The following TMEM131L variants were observed in gnomAD, a reference collection of about 807,000 sequenced individuals.
TMEM131L encodes the protein transmembrane 131 like.
TMEM131L carries 54 observed loss-of-function variants against 192.2 expected under a neutral mutation model. The ratio of observed to expected loss-of-function variants is 0.28; its 90% CI spans 0.23 to 0.35. The LOEUF is 0.35. Ranked by LOEUF, TMEM131L falls within the 10% of genes least tolerant of loss-of-function variation. The pLI, the probability that TMEM131L is intolerant of heterozygous loss-of-function variation, is 1.00. For missense variants in TMEM131L, 1,888 were observed against 1,972.9 expected (o/e 0.96, Z 0.82); for synonymous variants, 701 against 704.9 (o/e 0.99, Z 0.09).
chr4:153,614,768 C>T (rs1415830424), intron 26 of TMEM131L, among the ~76,000 whole-genome samples: 1 of 152,102 alleles, frequency 6.6e-6, no homozygotes, highest in Non-Finnish European at 1.5e-5. Context: ...CAGCTCTTTT[C>T]TAACAAAGAG....
intron 7 of TMEM131L, among the ~76,000 whole-genome samples, chr4:153,566,430 C>T (rs993416688): frequency 4.6e-5 from 7 of 151,976 alleles, no homozygotes; most frequent in Non-Finnish European, 7.4e-5. Flanking sequence ...CCACTGTGTC[C>T]GGCTGAAACT....
chr4:153,586,791 T>TAATCCTTGA (rs1730730591), intron 14 of TMEM131L, among the ~76,000 whole-genome samples: 1 of 152,208 alleles, frequency 6.6e-6, no homozygotes, highest in South Asian at 2.1e-4. Context: ...TAGTTGCTCG[T>TAATCCTTGA]AATCCTTGAA....
rs776466026 is a variant in TMEM131L, at chr4:153,621,831, G to A, written c.3841G>A (p.Ala1281Thr). Reference sequence around the variant, plus strand: ...TGCCGAAATTGCAAGCAGTTTACCTGCTGCCCAGAGAGAGGCAGGTATGTA... The same window carrying A: ...TGCCGAAATTGCAAGCAGTTTACCTACTGCCCAGAGAGAGGCAGGTATGTA... ...ADAEIASSLP[A>T]AQREAEGYYQ... The change falls in exon 28 of 35, where the codon GCT (alanine) becomes ACT (threonine). Residue 1281 changes from alanine to threonine, a missense_variant. Transcript: ENST00000409959. The A allele has an allele frequency of 1.2e-6, 2 of 1,614,062 alleles. No homozygotes were observed. The highest frequency in any genetic ancestry group is 2.2e-5 in the South Asian group (2 of 91,076).
intron 3 of TMEM131L, among the ~76,000 whole-genome samples, chr4:153,483,812 G>A (rs531389073): frequency 6.6e-5 from 10 of 152,200 alleles, no homozygotes; most frequent in Non-Finnish European, 1.3e-4. Context: ...TCTTTAGGAA[G>A]GCTTCTAGCT....
chr4:153,496,758 C>T (rs932111156), intron 3 of TMEM131L, among the ~76,000 whole-genome samples: 3 of 152,042 alleles, frequency 2.0e-5, no homozygotes, highest in Admixed American at 6.5e-5. Context: ...CACTATGTTG[C>T]CCAGGCTGGT....
chr4:153,479,242 A>G (rs1731755056), intron 3 of TMEM131L, among the ~76,000 whole-genome samples: 1 of 152,172 alleles, frequency 6.6e-6, no homozygotes, highest in Non-Finnish European at 1.5e-5. Flanking sequence ...TGTTTATGTT[A>G]TTCTGCCTTC....
rs1731063587 is a variant in TMEM131L at position 153,470,327 on chromosome 4, C to G, written c.195+3046C>G. ...AATATTTTAGTGGTCCCTGAGCTGA[C>G]TGGTAGACTTGGGCATTGGAGAGCA... On this transcript the variant is annotated intron_variant, in intron 2 of 34. Transcript: ENST00000409959. 2.6e-5 allele frequency among the ~76,000 whole-genome samples: 4 copies of G among 152,192 alleles called. 1 individual carries two copies. The South Asian group carries it at 8.3e-4, about 32-fold the overall frequency.
chr4:153,513,661 T>G (rs932907648), intron 3 of TMEM131L, among the ~76,000 whole-genome samples: 2 of 152,238 alleles, frequency 1.3e-5, no homozygotes, highest in Non-Finnish European at 2.9e-5. Context: ...ATTTCCCATC[T>G]GGTCTGTAGC....
chr4:153,608,231 TA>T (rs1468807789), intron 25 of TMEM131L, among the ~76,000 whole-genome samples: 1 of 152,204 alleles, frequency 6.6e-6, no homozygotes, highest in African/African-American at 2.4e-5. Flanking sequence ...AAATTCTCAA[TA>T]GAAATAAAGT....
Position 153,617,595 on chromosome 4 carries a change from A to C in TMEM131L, c.3568-3161A>C, listed in dbSNP as rs113473273. 7.2e-4 allele frequency among the ~76,000 whole-genome samples: 109 copies of C among 152,332 alleles called. 1 individual carries two copies. The highest frequency in any genetic ancestry group is 1.9e-3 in the African/African-American group (78 of 41,576). Reference sequence around the variant, plus strand: ...TTTTTGTAGAAGGCTGAAAAACACAAAAAAAACTATCCATCCAAAATGCTA... The same window carrying C: ...TTTTTGTAGAAGGCTGAAAAACACACAAAAAACTATCCATCCAAAATGCTA... On this transcript the variant is annotated intron_variant, in intron 26 of 34. Transcript: ENST00000409959.
intron 2 of TMEM131L, among the ~76,000 whole-genome samples, chr4:153,468,472 T>A (rs1579995861): frequency 6.7e-6 from 1 of 148,390 alleles, no homozygotes; most frequent in African/African-American, 2.5e-5. Flanking sequence ...ATACATGTGT[T>A]TTTGAAGGTT....
chr4:153,480,544 A>T (rs1731868780), intron 3 of TMEM131L, among the ~76,000 whole-genome samples: 1 of 151,138 alleles, frequency 6.6e-6, no homozygotes, highest in South Asian at 2.1e-4. Flanking sequence ...AAAAAAGGAA[A>T]TGGAAGTTCC....
At chr4:153,527,852 G>A (rs890351359) in intron 3 of TMEM131L, among the ~76,000 whole-genome samples, 1 of 152,138 alleles carries the variant, frequency 6.6e-6, no homozygotes, top group African/African-American at 2.4e-5. Context: ...CAACATTTGG[G>A]TCTAACCTCG....
intron 3 of TMEM131L, among the ~76,000 whole-genome samples, chr4:153,536,071 A>G (rs1736295650): frequency 6.6e-6 from 1 of 152,204 alleles, no homozygotes; most frequent in South Asian, 2.1e-4. Context: ...GCCTTCCTGC[A>G]CATCTGCATA....
In TMEM131L at chr4:153,636,502, A is replaced by T; in HGVS notation, c.4759A>T (p.Ile1587Leu). 6.2e-7 allele frequency: 1 copy of T among 1,614,238 alleles called. No homozygotes were observed. The highest frequency in any genetic ancestry group is 8.5e-7 in the Non-Finnish European group (1 of 1,180,040). Residue 1587 changes from isoleucine (I) to leucine (L), a missense_variant, in exon 35 of 35, where the codon ATA becomes TTA. Coordinates refer to ENST00000409959, the MANE Select transcript of TMEM131L (RefSeq NM_001131007.2). Reference protein sequence around the residue: ...NPFRAYMNLDIWTTTANRNAN... With the variant: ...NPFRAYMNLDLWTTTANRNAN... ...GTTTCGCGCCTATATGAACCTGGAC[A>T]TATGGACTACCACAGCGAATAGGAA...
chr4:153,574,855 C>T (rs931599871), intron 7 of TMEM131L, among the ~76,000 whole-genome samples: 3 of 152,020 alleles, frequency 2.0e-5, no homozygotes, highest in Non-Finnish European at 2.9e-5. Context: ...CCCAAAGTGC[C>T]GAGATTACAG....
chr4:153,604,376 A>G lies in TMEM131L; in HGVS notation c.3364A>G (p.Asn1122Asp), dbSNP rs1171818450. ...ACTACCTGAAAACCATTTACCAAGAAACTCACCTCAGTACCACCAGCCAGA... is the reference window on the plus strand; with the variant it reads ...ACTACCTGAAAACCATTTACCAAGAGACTCACCTCAGTACCACCAGCCAGA... ...KKLPENHLPR[N>D]SPQYHQPDLP... Residue 1122 changes from asparagine to aspartate, a missense_variant, in exon 25 of 35, where the codon AAC (asparagine) becomes GAC (aspartate). Transcript: ENST00000409959. The G allele has an allele frequency of 6.2e-7, 1 of 1,612,978 alleles. No homozygotes were observed. The highest frequency in any genetic ancestry group is 1.3e-5 in the African/African-American group (1 of 74,832).
intron 29 of TMEM131L, among the ~76,000 whole-genome samples, chr4:153,625,239 C>T (rs1305666529): frequency 3.3e-5 from 5 of 152,064 alleles, no homozygotes; most frequent in Non-Finnish European, 7.3e-5. Context: ...AGCAAAACCC[C>T]ATCTCTACTA....
chr4:153,514,090 G>A (rs1355368057), intron 3 of TMEM131L, among the ~76,000 whole-genome samples: 1 of 152,146 alleles, frequency 6.6e-6, no homozygotes, highest in Non-Finnish European at 1.5e-5. Flanking sequence ...GCATAGCACA[G>A]CTTTGGAATC....
Sources: allele counts gnomAD v4.1 joint callset (sites outside exome capture counted in the v4.1 genomes callset), GRCh38; gene constraint gnomAD v4.1.1; transcripts MANE v1.5; gene names NCBI Gene and HGNC (gene_info 2026-07-23, HGNC 2026-07-21).